CNBD1: variants seen among roughly 807,000 people sequenced by gnomAD.
CNBD1 encodes the protein cyclic nucleotide-binding domain-containing protein 1.
In CNBD1, 71 loss-of-function variants were observed where a neutral mutation model predicts 54.4. That is an observed-to-expected ratio of 1.30 (90% confidence interval 1.08 to 1.59). The LOEUF is 1.59. CNBD1 is among the 40% of genes most tolerant of loss of function. The probability of loss-of-function intolerance (pLI) is 0.00; values close to 1 mark genes in which losing one functional copy is unlikely to be tolerated. For synonymous variants in CNBD1, 182 were observed against 170.7 expected (o/e 1.07, Z -0.51); for missense variants, 659 against 518.0 (o/e 1.27, Z -2.64).
At chr8:87,265,974 G>T (rs995918244) in intron 6 of CNBD1, among the ~76,000 whole-genome samples, 57 of 152,064 alleles carry the variant, frequency 3.7e-4, no homozygotes, top group African/African-American at 1.3e-3. Flanking sequence ...TTAATTAAAA[G>T]ATTCTATTTA....
At chr8:86,962,135 C>T (rs1398427332) in intron 4 of CNBD1, among the ~76,000 whole-genome samples, 1 of 152,082 alleles carries the variant, frequency 6.6e-6, no homozygotes, top group Non-Finnish European at 1.5e-5. Flanking sequence ...TCAATGATGC[C>T]TCCTTTGTTT....
At chr8:86,988,045 T>C (rs2130521530) in intron 4 of CNBD1, among the ~76,000 whole-genome samples, 1 of 152,298 alleles carries the variant, frequency 6.6e-6, no homozygotes, top group South Asian at 2.1e-4. Context: ...CCTTCATTTT[T>C]TGTAACAGTC....
chr8:87,206,136 C>A lies in CNBD1; in HGVS notation c.575C>A (p.Thr192Lys). 6.3e-7 allele frequency: 1 copy of A among 1,581,200 alleles called. No homozygotes were observed. The highest frequency in any genetic ancestry group is 1.2e-5 in the South Asian group (1 of 85,418). The change falls in exon 5 of 11, where the codon ACA becomes AAA. Residue 192 changes from threonine (T) to lysine (K), a missense_variant and splice_region_variant. Transcript: ENST00000518476. ...TCCGAAACCTGGTTGAAAGGCAGCA[C>A]AGGTAATAGACTAATGTGGGATAAA... Reference protein sequence around the residue: ...VFSETWLKGSTVVANDGFYVI... With the variant: ...VFSETWLKGSKVVANDGFYVI...
At chr8:87,101,848 TTATGA>T (rs1811433652) in intron 4 of CNBD1, among the ~76,000 whole-genome samples, 1 of 152,070 alleles carries the variant, frequency 6.6e-6, no homozygotes, top group Non-Finnish European at 1.5e-5. Flanking sequence ...CAATTTGCTG[TTATGA>T]TGCAGCTGGA....
chr8:87,175,479 G>C (rs1813178224), intron 4 of CNBD1, among the ~76,000 whole-genome samples: 1 of 152,156 alleles, frequency 6.6e-6, no homozygotes, highest in African/African-American at 2.4e-5. Flanking sequence ...GCCAGGACTA[G>C]GTCACTCCCT....
intron 3 of CNBD1, among the ~76,000 whole-genome samples, chr8:86,906,889 T>C (rs917954513): frequency 1.1e-4 from 16 of 152,184 alleles, no homozygotes; most frequent in Non-Finnish European, 1.5e-5. Context: ...GTGGTTTAAA[T>C]GTGAAAATAA....
chr8:87,354,478 C>G (rs1194386476), intron 10 of CNBD1, among the ~76,000 whole-genome samples: 1 of 151,866 alleles, frequency 6.6e-6, no homozygotes, highest in African/African-American at 2.4e-5. Flanking sequence ...CATATGTATA[C>G]ATGTGCCATG....
chr8:87,420,003 A>T (rs944575575), intron 2 of CNBD1, among the ~76,000 whole-genome samples: 1 of 150,262 alleles, frequency 6.7e-6, no homozygotes, highest in Non-Finnish European at 1.5e-5. Context: ...AGTATATTGA[A>T]TCCAGAAATA....
chr8:87,040,965 T>G (rs1810054480), intron 4 of CNBD1, among the ~76,000 whole-genome samples: 1 of 152,050 alleles, frequency 6.6e-6, no homozygotes, highest in Non-Finnish European at 1.5e-5. Flanking sequence ...TGCCTCAGAT[T>G]ACAAAAGTAA....
intron 4 of CNBD1, among the ~76,000 whole-genome samples, chr8:87,146,295 T>C (rs1812485759): frequency 6.6e-6 from 1 of 152,168 alleles, no homozygotes; most frequent in African/African-American, 2.4e-5. Flanking sequence ...TTAAAAATGT[T>C]AATCAAATTA....
In CNBD1 at chr8:87,411,397, C is replaced by CATATATACAT. The variant is rs1554588016; in HGVS notation, c.214-17142_214-17141insCATATATATA. The stretch of plus-strand genomic sequence containing the variant: ...ATAGGCAGGATTAACCTAGCTATAT[C>CATATATACAT]ATATATATATATATATATATATATA... On this transcript the variant is annotated intron_variant, in intron 2 of 7. Coordinates refer to the CNBD1 transcript ENST00000521593. 2.2e-3 allele frequency among the ~76,000 whole-genome samples: 203 copies of CATATATACAT among 92,402 alleles called. 2 individuals are homozygous for CATATATACAT. Among genetic ancestry groups the CATATATACAT allele is most frequent in the African/African-American group, 8.4e-3 (194 of 23,048 alleles). 60.6% of individuals were successfully genotyped at this position (92,402 alleles called of 152,430 possible). A position where few individuals can be genotyped will look rare whatever the true frequency, so the allele number is the denominator to read the frequency against.
At chr8:87,321,210 A>C (rs2130899599) in intron 8 of CNBD1, among the ~76,000 whole-genome samples, 1 of 152,324 alleles carries the variant, frequency 6.6e-6, no homozygotes, top group South Asian at 2.1e-4. Flanking sequence ...AAGAATGCTG[A>C]ATCACATGAT....
At chr8:86,918,874 A>G (rs571889144) in intron 3 of CNBD1, among the ~76,000 whole-genome samples, 7 of 151,578 alleles carry the variant, frequency 4.6e-5, no homozygotes, top group African/African-American at 1.5e-4. Flanking sequence ...TGTACACTGT[A>G]CCCATTACAT....
intron 4 of CNBD1, among the ~76,000 whole-genome samples, chr8:87,056,706 A>G (rs1347521502): frequency 6.6e-6 from 1 of 152,110 alleles, no homozygotes; most frequent in Admixed American, 6.5e-5. Context: ...TAAAATTAGA[A>G]TTTAATTATA....
intron 8 of CNBD1, among the ~76,000 whole-genome samples, chr8:87,327,629 C>T (rs183252657): frequency 2.0e-5 from 3 of 152,320 alleles, no homozygotes; most frequent in African/African-American, 4.8e-5. Flanking sequence ...CTTGCGCTTC[C>T]CAGGTGAGGC....
chr8:87,371,516 C>G (rs373302228), intron 10 of CNBD1, among the ~76,000 whole-genome samples: 2 of 151,852 alleles, frequency 1.3e-5, no homozygotes. Flanking sequence ...ATACCAAAGC[C>G]AGGCAGAGAC....
intron 10 of CNBD1, among the ~76,000 whole-genome samples, chr8:87,376,314 T>A (rs1810933661): frequency 6.6e-6 from 1 of 151,816 alleles, no homozygotes; most frequent in Non-Finnish European, 1.5e-5. Flanking sequence ...CTTCTCCTTG[T>A]ATTCTCACAT....
At chr8:87,139,932 G>C (rs1372334664) in intron 4 of CNBD1, among the ~76,000 whole-genome samples, 2 of 152,082 alleles carry the variant, frequency 1.3e-5, no homozygotes, top group African/African-American at 4.8e-5. Context: ...ATGGAGGCTT[G>C]AATTACAGAA....
intron 2 of CNBD1, among the ~76,000 whole-genome samples, chr8:86,888,247 T>C (rs1808709770): frequency 6.6e-6 from 1 of 152,184 alleles, no homozygotes; most frequent in Non-Finnish European, 1.5e-5. Flanking sequence ...ATCCTTGTAC[T>C]TTGCAATCCA....
Sources: allele counts gnomAD v4.1 joint callset (sites outside exome capture counted in the v4.1 genomes callset), GRCh38; gene constraint gnomAD v4.1.1; transcripts MANE v1.5; gene names NCBI Gene and HGNC (gene_info 2026-07-23, HGNC 2026-07-21).